The following IGSF5 variants were observed in gnomAD, a reference collection of about 807,000 sequenced individuals.
IGSF5 encodes immunoglobulin superfamily 5 like.
IGSF5 carries 41 observed loss-of-function variants against 39.4 expected under a neutral mutation model. The ratio of observed to expected loss-of-function variants is 1.04; its 90% CI spans 0.81 to 1.35. IGSF5 has a LOEUF of 1.35. IGSF5 is among the 40% of genes most tolerant of loss of function. The probability of loss-of-function intolerance (pLI) is 0.00; values close to 1 mark genes in which losing one functional copy is unlikely to be tolerated. For synonymous variants in IGSF5, 183 were observed against 175.3 expected (o/e 1.04, Z -0.34); for missense variants, 487 against 494.6 (o/e 0.98, Z 0.15).
chr21:39,715,979 T>G, the IGSF5 span, among the ~76,000 whole-genome samples: 1,822 of 152,308 alleles, frequency 0.012, 35 homozygotes, highest in African/African-American at 0.041. Context: ...TATATCACCC[T>G]GCAGTGCCAC....
At chr21:39,728,478 G>A in the IGSF5 span, among the ~76,000 whole-genome samples, 1 of 152,162 alleles carries the variant, frequency 6.6e-6, no homozygotes, top group African/African-American at 2.4e-5. Context: ...AGGGAGCCTG[G>A]CCTTCCCACA....
chr21:39,794,895 A>G (rs2086986547), intron 8 of IGSF5, among the ~76,000 whole-genome samples: 1 of 152,076 alleles, frequency 6.6e-6, no homozygotes, highest in African/African-American at 2.4e-5. Context: ...CCTCCCTGCA[A>G]TTGGGATTCA....
chr21:39,730,339 C>T, the IGSF5 span: 1 of 151,984 alleles, frequency 6.6e-6, no homozygotes, highest in Non-Finnish European at 1.5e-5. Flanking sequence ...GGATTAGGGC[C>T]CACTATACAG....
intron 5 of IGSF5, among the ~76,000 whole-genome samples, chr21:39,781,922 G>C (rs146859776): frequency 6.6e-6 from 1 of 152,176 alleles, no homozygotes; most frequent in Non-Finnish European, 1.5e-5. Flanking sequence ...GTCATAGGAA[G>C]TATTTCCTTA....
chr21:39,800,474 G>A (rs1741855317), intron 8 of IGSF5, among the ~76,000 whole-genome samples: 1 of 152,222 alleles, frequency 6.6e-6, no homozygotes, highest in South Asian at 2.1e-4. Flanking sequence ...AGCAGCAGAA[G>A]GCACATGTCT....
intron 4 of IGSF5, among the ~76,000 whole-genome samples, chr21:39,772,633 A>G (rs765365287): frequency 1.3e-5 from 2 of 151,974 alleles, no homozygotes; most frequent in African/African-American, 4.8e-5. Flanking sequence ...CCCATTTTTT[A>G]TGGTCTTTTC....
chr21:39,790,995 C>G (rs557741624), intron 6 of IGSF5, among the ~76,000 whole-genome samples: 1 of 152,168 alleles, frequency 6.6e-6, no homozygotes, highest in Non-Finnish European at 1.5e-5. Context: ...AAATCCTACA[C>G]CATTTTATAT....
At chr21:39,759,174 A>G (rs74331318) in intron 2 of IGSF5, among the ~76,000 whole-genome samples, 6,357 of 152,320 alleles carry the variant, frequency 0.042, 432 homozygotes, top group African/African-American at 0.14. Context: ...AAATGGAATC[A>G]AATAGAATGG....
chr21:39,748,431 C>G (rs565641856), intron 2 of IGSF5, among the ~76,000 whole-genome samples: 6 of 150,300 alleles, frequency 4.0e-5, no homozygotes, highest in Middle Eastern at 3.5e-3. Flanking sequence ...CTGCCTCAGC[C>G]ACTGGAGTAG....
intron 3 of IGSF5, among the ~76,000 whole-genome samples, chr21:39,768,699 AC>A (rs1214491321): frequency 6.6e-6 from 1 of 151,868 alleles, no homozygotes; most frequent in African/African-American, 2.4e-5. Flanking sequence ...CAAACACAAA[AC>A]CCTTTAGACT....
rs767089384 is a variant in IGSF5 at position 39,779,136 on chromosome 21, G to T, written c.765G>T (p.Pro255=). The change falls in exon 5 of 9, where the codon CCG becomes CCT. Residue 255 remains proline (P), a synonymous_variant. Transcript: ENST00000380588. ...TTCCAGGTGTATTATCAAGTTTACC[G>T]AGTTTAGGTTTTTCATTGCCTACTT... ...INIPGVLSSL[P]SLGFSLPTWG... The T allele has an allele frequency of 6.2e-7, 1 of 1,613,850 alleles. No individual in the cohort carries two copies. The highest frequency in any genetic ancestry group is 1.1e-5 in the South Asian group (1 of 91,064).
intron 1 of IGSF5, among the ~76,000 whole-genome samples, 161 bp from the exon 2 acceptor site, chr21:39,746,055 T>C (rs889739673): frequency 5.3e-5 from 8 of 151,824 alleles, no homozygotes; most frequent in Non-Finnish European, 1.0e-4. Flanking sequence ...ATGCGGTGAG[T>C]GTTATAGCTC....
At chr21:39,716,575 G>A in the IGSF5 span, among the ~76,000 whole-genome samples, 5 of 152,008 alleles carry the variant, frequency 3.3e-5, no homozygotes, top group Admixed American at 1.3e-4. Context: ...TTTAGCTCCC[G>A]CTTGTAAGTG....
At chr21:39,728,505 C>T in the IGSF5 span, among the ~76,000 whole-genome samples, 6 of 152,134 alleles carry the variant, frequency 3.9e-5, no homozygotes, top group Admixed American at 3.3e-4. Context: ...TCTTGGACTC[C>T]CAACCTCCAG....
At chr21:39,771,316 G>T in intron 4 of IGSF5, 101 bp downstream of exon 4, 1 of 1,164,032 alleles carries the variant, frequency 8.6e-7, no homozygotes, top group Non-Finnish European at 1.2e-6. Flanking sequence ...AAAATCATAT[G>T]GCGACCTTGA....
At chr21:39,736,260 T>A in the IGSF5 span, among the ~76,000 whole-genome samples, 1 of 152,148 alleles carries the variant, frequency 6.6e-6, no homozygotes, top group African/African-American at 2.4e-5. Context: ...TCCCAGGGCC[T>A]CTCTCCCTCC....
chr21:39,742,162 GACGACAA>G (rs1462254071), upstream of IGSF5, among the ~76,000 whole-genome samples: 22 of 151,838 alleles, frequency 1.4e-4, 1 homozygote, highest in African/African-American at 5.3e-4. Flanking sequence ...TCAAACAGGA[GACGACAA>G]ATGGGTGTTC....
chr21:39,753,251 C>G (rs1010391169), intron 2 of IGSF5, among the ~76,000 whole-genome samples: 2 of 152,018 alleles, frequency 1.3e-5, no homozygotes, highest in African/African-American at 4.8e-5. Flanking sequence ...AATAGGGTGT[C>G]CTCTCCTCAA....
At position 39,793,547 on chromosome 21, in the gene IGSF5, C is replaced by T; in HGVS notation, c.1062C>T (p.Leu354=). ...CTTCTGTTGCAGACACCGCTTCTCT[C>T]CCTCCCAAATCCTGTGAATCCAGTG... The part of the protein sequence containing the change: ...DEQKTTDTAS[L]PPKSCESSDP... The change falls in exon 8 of 9, where the codon CTC becomes CTT. Residue 354 remains leucine, a synonymous_variant. Coordinates refer to ENST00000380588, the MANE Select transcript of IGSF5 (RefSeq NM_001080444.2). The T allele has an allele frequency of 1.2e-6, 2 of 1,613,884 alleles. No individual in the cohort carries two copies. The highest frequency in any genetic ancestry group is 1.1e-5 in the South Asian group (1 of 91,066).
Sources: allele counts gnomAD v4.1 joint callset (sites outside exome capture counted in the v4.1 genomes callset), GRCh38; gene constraint gnomAD v4.1.1; transcripts MANE v1.5; gene names NCBI Gene and HGNC (gene_info 2026-07-23, HGNC 2026-07-21).